Variants in TGS1 observed in about 807,000 individuals in gnomAD.
TGS1 encodes the protein trimethylguanosine synthase.
TGS1 carries 69 observed loss-of-function variants against 92.2 expected under a neutral mutation model. The ratio of observed to expected loss-of-function variants is 0.75; its 90% CI spans 0.62 to 0.91. TGS1 has a LOEUF of 0.91. Among genes scored for constraint, TGS1 ranks in the 40% least tolerant of loss-of-function variants. The pLI is 0.00. For missense variants in TGS1, 1,062 were observed against 1,001.2 expected (o/e 1.06, Z -0.82); for synonymous variants, 345 against 338.1 (o/e 1.02, Z -0.22).
At chr8:55,814,674 A>ATATATATATATATATAT (rs1554564802) in intron 12 of TGS1, among the ~76,000 whole-genome samples, 1 of 123,332 alleles carries the variant, frequency 8.1e-6, no homozygotes, top group Non-Finnish European at 1.6e-5. Flanking sequence ...AAAAAAAAAA[A>ATATATATATATATATAT]ATATATATAT....
At chr8:55,796,557 G>A (rs536131244) in intron 7 of TGS1, among the ~76,000 whole-genome samples, 2 of 152,114 alleles carry the variant, frequency 1.3e-5, no homozygotes, top group South Asian at 2.1e-4. Context: ...GCATGGTGGC[G>A]CTTGCCTGAA....
intron 1 of TGS1, among the ~76,000 whole-genome samples, chr8:55,781,294 C>T (rs1289723780): frequency 6.6e-6 from 1 of 151,960 alleles, no homozygotes; most frequent in African/African-American, 2.4e-5. Context: ...TTCTTTCTAG[C>T]CTTCCTTCCT....
intron 7 of TGS1, among the ~76,000 whole-genome samples, chr8:55,796,717 A>T (rs1404800786): frequency 6.9e-6 from 1 of 145,894 alleles, no homozygotes; most frequent in Non-Finnish European, 1.5e-5. Context: ...TTGGCCGGGC[A>T]TGGTGGCTTA....
chr8:55,817,411 A>G (rs933051103), intron 12 of TGS1, among the ~76,000 whole-genome samples: 1 of 152,210 alleles, frequency 6.6e-6, no homozygotes, highest in Non-Finnish European at 1.5e-5. Flanking sequence ...TTGAATTTGA[A>G]TAAATATGAA....
At chr8:55,780,257 C>T (rs550558100) in intron 1 of TGS1, among the ~76,000 whole-genome samples, 7 of 151,080 alleles carry the variant, frequency 4.6e-5, no homozygotes, top group East Asian at 1.9e-4. Flanking sequence ...GCAGCCTCAG[C>T]CTTCTGGGCT....
intron 8 of TGS1, among the ~76,000 whole-genome samples, chr8:55,801,143 A>G (rs553434540): frequency 1.3e-5 from 2 of 152,384 alleles, no homozygotes; most frequent in East Asian, 1.9e-4. Context: ...TTAGATTTCT[A>G]TAATTCACCA....
chr8:55,818,438 G>T lies in TGS1; in HGVS notation c.2439+5320G>T, dbSNP rs977988496. The stretch of plus-strand genomic sequence containing the variant: ...TGGGATTACAGGTGTCAGCCACCAC[G>T]CCCAGCCTGATTCCCAGTTTTCTAG... On this transcript the variant is annotated intron_variant, in intron 12 of 12. Coordinates refer to ENST00000260129, the MANE Select transcript of TGS1 (RefSeq NM_024831.8). Among the ~76,000 whole-genome samples the T allele has an allele frequency of 9.2e-5, 14 of 152,282 alleles. No individual in the cohort carries two copies. The East Asian group carries it at 2.3e-3, about 25-fold the overall frequency.
chr8:55,806,801 CAT>C (rs1812384912), intron 10 of TGS1, among the ~76,000 whole-genome samples: 1 of 152,170 alleles, frequency 6.6e-6, no homozygotes, highest in African/African-American at 2.4e-5. Context: ...AAGCCAAGGT[CAT>C]AGTATTTTAT....
chr8:55,786,024 T>C (rs557557973), intron 3 of TGS1, 133 bp downstream of exon 3: 5 of 792,304 alleles, frequency 6.3e-6, no homozygotes, highest in South Asian at 4.1e-5. Context: ...TATGTATTTA[T>C]AAATTAACCA....
chr8:55,782,145 AC>A (rs1811581755), intron 1 of TGS1, among the ~76,000 whole-genome samples: 2 of 33,454 alleles, frequency 6.0e-5, no homozygotes, highest in African/African-American at 5.3e-4. Context: ...AAGAACTTAC[AC>A]TTTATTTATT....
rs780553698 is a variant in TGS1 at position 55,804,960 on chromosome 8, C to T, written c.2067C>T (p.Phe689=). The change falls in exon 10 of 13, where the codon TTC becomes TTT. Residue 689 remains phenylalanine, a synonymous_variant. Transcript: ENST00000260129. ...EHIAGRVSQS[F]KCDVVVDAFC... Reference sequence around the variant, plus strand: ...TTGCTGGCCGTGTTAGTCAGTCCTTCAAGTGTGACGTTGTAGTAGACGCAT... The same window carrying T: ...TTGCTGGCCGTGTTAGTCAGTCCTTTAAGTGTGACGTTGTAGTAGACGCAT... The T allele has an allele frequency of 1.2e-6, 2 of 1,614,020 alleles. No homozygotes were observed. The highest frequency in any genetic ancestry group is 1.7e-5 in the Admixed American group (1 of 60,008).
intron 10 of TGS1, among the ~76,000 whole-genome samples, chr8:55,810,142 G>A (rs1481321154): frequency 3.3e-5 from 5 of 152,180 alleles, no homozygotes; most frequent in Admixed American, 6.5e-5. Flanking sequence ...CGCCGTAAGC[G>A]TAACGGTTAC....
chr8:55,800,444 C>T (rs1005204651), intron 8 of TGS1, among the ~76,000 whole-genome samples: 1 of 152,186 alleles, frequency 6.6e-6, no homozygotes, highest in African/African-American at 2.4e-5. Flanking sequence ...ATAGCTAGGA[C>T]TCATTACCAG....
At chr8:55,814,186 A>G (rs1803409942) in intron 12 of TGS1, among the ~76,000 whole-genome samples, 1 of 152,034 alleles carries the variant, frequency 6.6e-6, no homozygotes, top group Non-Finnish European at 1.5e-5. Flanking sequence ...AGGCTCAAGC[A>G]ATCCTCCTGC....
intron 12 of TGS1, among the ~76,000 whole-genome samples, chr8:55,814,198 T>C (rs939806444): frequency 6.6e-6 from 1 of 152,086 alleles, no homozygotes; most frequent in Non-Finnish European, 1.5e-5. Context: ...TCCTCCTGCC[T>C]CAGCCTCCCT....
chr8:55,789,571 A>C (rs1811817459), intron 4 of TGS1, among the ~76,000 whole-genome samples: 1 of 152,198 alleles, frequency 6.6e-6, no homozygotes, highest in Non-Finnish European at 1.5e-5. Flanking sequence ...GATCATGAAC[A>C]TTTTTAAACC....
At position 55,779,683 on chromosome 8, in the gene TGS1, A is replaced by T. The variant is rs539106142; in HGVS notation, c.102-3065A>T. On this transcript the variant is annotated intron_variant, in intron 1 of 12. Coordinates refer to ENST00000260129, the MANE Select transcript of TGS1 (RefSeq NM_024831.8). Reference sequence around the variant, plus strand: ...TAAAAGAGAAGAAAGAATATAAGTTATGAAATATAAAAAGTTGAGAAGATT... The same window carrying T: ...TAAAAGAGAAGAAAGAATATAAGTTTTGAAATATAAAAAGTTGAGAAGATT... 9.8e-5 allele frequency among the ~76,000 whole-genome samples: 15 copies of T among 152,330 alleles called. No individual in the cohort carries two copies. The South Asian group carries it at 3.1e-3, about 32-fold the overall frequency.
At chr8:55,816,860 ATTTAT>A (rs1563470755) in intron 12 of TGS1, among the ~76,000 whole-genome samples, 2 of 51,928 alleles carry the variant, frequency 3.9e-5, no homozygotes, top group African/African-American at 1.5e-4. Flanking sequence ...TCTCTATTTT[ATTTAT>A]TTTTTTTTTT....
At chr8:55,811,448 C>T (rs998115176) in intron 11 of TGS1, among the ~76,000 whole-genome samples, 5 of 150,338 alleles carry the variant, frequency 3.3e-5, no homozygotes, top group South Asian at 4.2e-4. Context: ...GGTGACAGAG[C>T]GGGACTCTGT....
Sources: allele counts gnomAD v4.1 joint callset (sites outside exome capture counted in the v4.1 genomes callset), GRCh38; gene constraint gnomAD v4.1.1; transcripts MANE v1.5; gene names NCBI Gene and HGNC (gene_info 2026-07-23, HGNC 2026-07-21).